The following SDK1 variants were observed in gnomAD, a reference collection of about 807,000 sequenced individuals.
SDK1 encodes the protein sidekick cell adhesion molecule 1, also known as protein sidekick-1.
Under a neutral mutation model 245.5 loss-of-function variants are expected in SDK1, and 157 were observed. The observed-to-expected ratio is 0.64, with a 90% CI of 0.56 to 0.73. The LOEUF (loss-of-function observed/expected upper bound fraction) is 0.73, where lower values mean the gene tolerates loss of function less well. Among genes scored for constraint, SDK1 ranks in the 30% least tolerant of loss-of-function variants. The pLI, the probability that SDK1 is intolerant of heterozygous loss-of-function variation, is 0.00. For missense variants in SDK1, 3,583 were observed against 3,002.3 expected (o/e 1.19, Z -4.52); for synonymous variants, 1,647 against 1,278.5 (o/e 1.29, Z -6.15).
At chr7:3,463,557 G>C (rs918652639) in intron 1 of SDK1, among the ~76,000 whole-genome samples, 3 of 152,176 alleles carry the variant, frequency 2.0e-5, no homozygotes, top group Non-Finnish European at 4.4e-5. Context: ...GCCAGTAAAT[G>C]GGATCATTTA....
At position 4,114,169 on chromosome 7, in the gene SDK1, G is replaced by A; in HGVS notation, c.3718G>A (p.Glu1240Lys). The A allele has an allele frequency of 1.9e-6, 3 of 1,614,162 alleles. No homozygotes were observed. The highest frequency in any genetic ancestry group is 1.1e-5 in the South Asian group (1 of 91,086). Residue 1240 changes from glutamate (E) to lysine (K), a missense_variant, in exon 25 of 45, where the codon GAG becomes AAG. By Grantham distance (56) the Glu-to-Lys change is moderately conservative (BLOSUM62 1). Transcript: ENST00000404826. ...SDRLEREFTI[E>K]ELEEWMEYEL... is the part of the protein sequence containing the mutation. ...CCGGCTGGAGAGAGAATTCACCATC[G>A]AGGAGCTGGAGGAGTGGATGGAATA...
intron 1 of SDK1, among the ~76,000 whole-genome samples, chr7:3,415,653 C>G (rs1266269332): frequency 2.0e-5 from 3 of 151,112 alleles, no homozygotes; most frequent in African/African-American, 7.3e-5. Context: ...TGCTTTGTAT[C>G]CCTACTTCTG....
At chr7:3,314,652 A>G (rs1779621531) in intron 1 of SDK1, among the ~76,000 whole-genome samples, 1 of 152,248 alleles carries the variant, frequency 6.6e-6, no homozygotes, top group Non-Finnish European at 1.5e-5. Flanking sequence ...TTGGAAAGAC[A>G]GAGGCCATCT....
intron 1 of SDK1, among the ~76,000 whole-genome samples, chr7:3,568,975 A>G (rs1285657321): frequency 6.6e-6 from 1 of 150,848 alleles, no homozygotes; most frequent in Non-Finnish European, 1.5e-5. Flanking sequence ...TAAGTTCTCT[A>G]ATTTATTGCC....
intron 22 of SDK1, among the ~76,000 whole-genome samples, chr7:4,089,510 G>A (rs911560899): frequency 2.0e-5 from 3 of 152,210 alleles, no homozygotes; most frequent in Non-Finnish European, 4.4e-5. Flanking sequence ...AGTGCTCCAG[G>A]GAAGAATGAA....
intron 7 of SDK1, among the ~76,000 whole-genome samples, chr7:3,957,417 A>G (rs117922761): frequency 6.6e-6 from 1 of 152,344 alleles, no homozygotes; most frequent in East Asian, 1.9e-4. Context: ...TGAAGGGTCC[A>G]TGAGCTCTTT....
At chr7:3,563,074 G>A (rs1407084958) in intron 1 of SDK1, among the ~76,000 whole-genome samples, 2 of 152,154 alleles carry the variant, frequency 1.3e-5, no homozygotes. Context: ...AAAGACGGTA[G>A]GGATGAAGAA....
intron 1 of SDK1, among the ~76,000 whole-genome samples, chr7:3,541,665 T>G (rs900206230): frequency 6.6e-6 from 1 of 152,234 alleles, no homozygotes; most frequent in Non-Finnish European, 1.5e-5. Context: ...GTGTATATCC[T>G]AAAGTCCATG....
chr7:3,621,702 G>A lies in SDK1; in HGVS notation c.458+2463G>A, dbSNP rs191103810. Among the ~76,000 whole-genome samples the A allele has an allele frequency of 2.4e-3, 372 of 152,298 alleles. 3 individuals are homozygous for A. The highest frequency in any genetic ancestry group is 0.018 in the South Asian group (85 of 4,822). ...TTTCTCCTCCATCCCAGGAGAAAGCGCACCTGTACCTTATCTGAGTCTTCC... is the reference window on the plus strand; with the variant it reads ...TTTCTCCTCCATCCCAGGAGAAAGCACACCTGTACCTTATCTGAGTCTTCC... On this transcript the variant is annotated intron_variant, in intron 2 of 44. Transcript: ENST00000404826.
At chr7:4,103,600 C>T (rs1782716143) in intron 22 of SDK1, among the ~76,000 whole-genome samples, 1 of 152,216 alleles carries the variant, frequency 6.6e-6, no homozygotes, top group South Asian at 2.1e-4. Flanking sequence ...TGTAAAGCAA[C>T]CCATTTTCAG....
chr7:3,567,167 A>G (rs531519878), intron 1 of SDK1, among the ~76,000 whole-genome samples: 1 of 152,356 alleles, frequency 6.6e-6, no homozygotes, highest in East Asian at 1.9e-4. Flanking sequence ...TTTTAAAAAC[A>G]CTGAGGATTT....
chr7:3,414,043 A>T (rs1172429307), intron 1 of SDK1, among the ~76,000 whole-genome samples: 1 of 151,984 alleles, frequency 6.6e-6, no homozygotes, highest in East Asian at 1.9e-4. Context: ...TTAAGTGGAG[A>T]GAGTATGTTT....
chr7:4,082,899 G>A (rs1205906812), intron 22 of SDK1, among the ~76,000 whole-genome samples: 1 of 152,084 alleles, frequency 6.6e-6, no homozygotes, highest in East Asian at 1.9e-4. Flanking sequence ...GTGATTATAG[G>A]CATGAGCCAC....
intron 20 of SDK1, among the ~76,000 whole-genome samples, chr7:4,069,909 A>G (rs1280899564): frequency 6.6e-6 from 1 of 152,166 alleles, no homozygotes; most frequent in East Asian, 1.9e-4. Context: ...GCCAATGGGC[A>G]TGTGCGCATT....
chr7:3,556,598 A>AT (rs1241959982), intron 1 of SDK1, among the ~76,000 whole-genome samples: 2 of 152,088 alleles, frequency 1.3e-5, no homozygotes, highest in East Asian at 3.9e-4. Flanking sequence ...AGGCAGGCTG[A>AT]TTATCTCAGG....
At chr7:3,737,840 A>T (rs915615651) in intron 4 of SDK1, among the ~76,000 whole-genome samples, 6 of 152,210 alleles carry the variant, frequency 3.9e-5, no homozygotes, top group South Asian at 2.1e-4. Context: ...GCTTAGGGGA[A>T]GTCTCTTTGT....
At chr7:4,116,605 T>G (rs769436436) in intron 25 of SDK1, among the ~76,000 whole-genome samples, 3 of 152,224 alleles carry the variant, frequency 2.0e-5, no homozygotes, top group Admixed American at 6.5e-5. Flanking sequence ...CTGGGTTTCC[T>G]CAATGCTGGT....
intron 5 of SDK1, among the ~76,000 whole-genome samples, chr7:3,891,273 G>C (rs1562516296): frequency 1.3e-5 from 2 of 152,060 alleles, no homozygotes; most frequent in South Asian, 4.1e-4. Context: ...TCGTGCTCCC[G>C]GGGAGGACTT....
intron 1 of SDK1, among the ~76,000 whole-genome samples, chr7:3,471,786 G>T (rs186596640): frequency 1.6e-3 from 249 of 152,116 alleles, no homozygotes; most frequent in African/African-American, 5.8e-3. Context: ...TAGTCTACTC[G>T]GCTTTTCTGT....
Sources: gnomAD v4.1 joint callset for allele counts (sites outside exome capture counted in the v4.1 genomes callset) on GRCh38, gnomAD v4.1.1 for gene constraint, MANE v1.5 for transcripts, NCBI Gene and HGNC (gene_info 2026-07-23, HGNC 2026-07-21) for gene names.